Variants in LNPEP observed in about 807,000 individuals in gnomAD.
LNPEP encodes the protein leucyl-cystinyl aminopeptidase.
Under a neutral mutation model 120.6 loss-of-function variants are expected in LNPEP, and 64 were observed. The ratio of observed to expected loss-of-function variants is 0.53; its 90% CI spans 0.43 to 0.65. The LOEUF is 0.65. Ranked by LOEUF, LNPEP falls within the 30% of genes least tolerant of loss-of-function variation. LNPEP has a pLI of 0.00. For missense variants in LNPEP, 1,057 were observed against 1,200.0 expected (o/e 0.88, Z 1.76); for synonymous variants, 435 against 425.4 (o/e 1.02, Z -0.28).
intron 8 of LNPEP, among the ~76,000 whole-genome samples, chr5:96,999,831 G>A (rs1417846602): frequency 6.6e-6 from 1 of 151,582 alleles, no homozygotes; most frequent in East Asian, 1.9e-4. Flanking sequence ...ATTAAGAGAA[G>A]TGGGATACTA....
intron 3 of LNPEP, 61 bp downstream of exon 3, chr5:96,985,279 T>G: frequency 7.1e-7 from 1 of 1,398,828 alleles, no homozygotes; most frequent in Non-Finnish European, 9.8e-7. Flanking sequence ...TAAGAACACT[T>G]AAATTCCTCT....
chr5:96,938,796 G>T (rs745956093), intron 1 of LNPEP, among the ~76,000 whole-genome samples: 1 of 152,096 alleles, frequency 6.6e-6, no homozygotes, highest in Non-Finnish European at 1.5e-5. Flanking sequence ...TCTATTTTTG[G>T]CTTTGTCCTT....
In LNPEP at chr5:96,968,604, A is replaced by G. The variant is rs114207281; in HGVS notation, c.20-10534A>G. Among the ~76,000 whole-genome samples the G allele has an allele frequency of 4.0e-3, 612 of 152,234 alleles. 5 individuals are homozygous for G. Among genetic ancestry groups the G allele is most frequent in the African/African-American group, 0.014 (574 of 41,548 alleles). ...TATGGCGTACTCTTTTAGGGAGAGTAGGAAAATTGGTCAGAGTAAGACATT... is the reference window on the plus strand; with the variant it reads ...TATGGCGTACTCTTTTAGGGAGAGTGGGAAAATTGGTCAGAGTAAGACATT... On this transcript the variant is annotated intron_variant, in intron 1 of 17. Coordinates refer to ENST00000231368, the MANE Select transcript of LNPEP (RefSeq NM_005575.3).
chr5:97,002,895 C>T (rs1790688128), intron 8 of LNPEP, among the ~76,000 whole-genome samples: 1 of 152,112 alleles, frequency 6.6e-6, no homozygotes, highest in Admixed American at 6.6e-5. Context: ...TGAAGTGACT[C>T]TGCAGGAAGA....
At chr5:96,988,005 C>T (rs76846652) in intron 4 of LNPEP, among the ~76,000 whole-genome samples, 5,714 of 152,288 alleles carry the variant, frequency 0.038, 186 homozygotes, top group Middle Eastern at 0.11. Flanking sequence ...TAATCATTCC[C>T]TCTCTGATCT....
chr5:97,001,877 C>T (rs544872511), intron 8 of LNPEP, among the ~76,000 whole-genome samples: 2 of 152,250 alleles, frequency 1.3e-5, no homozygotes, highest in East Asian at 1.9e-4. Flanking sequence ...TGGTAGCTCA[C>T]GCCTGTAATC....
chr5:97,004,927 A>G (rs1439398670), intron 9 of LNPEP, among the ~76,000 whole-genome samples: 2 of 152,198 alleles, frequency 1.3e-5, no homozygotes, highest in Non-Finnish European at 2.9e-5. Flanking sequence ...CATTGACTGC[A>G]ACTTTTGCAT....
intron 1 of LNPEP, among the ~76,000 whole-genome samples, chr5:96,972,417 CCCTGCACTGCTTGA>C: frequency 6.6e-6 from 1 of 152,220 alleles, no homozygotes; most frequent in South Asian, 2.1e-4. Context: ...GCCACTACTT[CCCTGCACTGCTTGA>C]CCTCTAGTAT....
chr5:96,936,495 C>A lies in LNPEP; in HGVS notation c.19+321C>A, dbSNP rs183260325. ...TGGGAAAGTTGGCAGCTCAGGTTTG[C>A]CCCCGGAGGAGGCGGTGTCGGCCCG... On this transcript the variant is annotated intron_variant, in intron 1 of 17. Transcript: ENST00000231368. 7.3e-3 allele frequency: 2,037 copies of A among 280,702 alleles called. 49 individuals are homozygous for A. The highest frequency in any genetic ancestry group is 0.056 in the Admixed American group (1,063 of 18,916). 17.4% of individuals were successfully genotyped at this position (280,702 alleles called of 1,614,324 possible).
intron 4 of LNPEP, among the ~76,000 whole-genome samples, chr5:96,992,383 A>C (rs909359068): frequency 3.3e-5 from 5 of 152,214 alleles, no homozygotes; most frequent in African/African-American, 9.6e-5. Flanking sequence ...AACTGAAAAA[A>C]AAGTTAGCTG....
chr5:96,991,316 A>C (rs1415023179), intron 4 of LNPEP, among the ~76,000 whole-genome samples: 1 of 152,192 alleles, frequency 6.6e-6, no homozygotes, highest in Non-Finnish European at 1.5e-5. Flanking sequence ...CTCATTGATC[A>C]ATCCCAGTAG....
At chr5:96,981,854 A>G (rs1031388052) in intron 2 of LNPEP, among the ~76,000 whole-genome samples, 5 of 152,148 alleles carry the variant, frequency 3.3e-5, no homozygotes, top group Admixed American at 2.0e-4. Flanking sequence ...CTAGTAAACA[A>G]ATTCAGGATA....
intron 1 of LNPEP, among the ~76,000 whole-genome samples, chr5:96,970,185 C>G (rs1789827614): frequency 6.6e-6 from 1 of 151,900 alleles, no homozygotes; most frequent in Admixed American, 6.6e-5. Flanking sequence ...AATGTCAGGT[C>G]AAATTAGTTA....
chr5:96,971,353 G>GTGTA (rs1789858940), intron 1 of LNPEP, among the ~76,000 whole-genome samples: 1 of 149,100 alleles, frequency 6.7e-6, no homozygotes, highest in South Asian at 2.1e-4. Context: ...ATTTGTGTGT[G>GTGTA]TGTGTGTGTG....
chr5:96,998,661 CGG>C, intron 8 of LNPEP, among the ~76,000 whole-genome samples: 1 of 152,108 alleles, frequency 6.6e-6, no homozygotes, highest in Non-Finnish European at 1.5e-5. Flanking sequence ...ATAGTGATAA[CGG>C]TGTCATTCAC....
chr5:96,998,239 A>G (rs1561446792), intron 8 of LNPEP, 94 bp downstream of exon 8: 3 of 1,009,840 alleles, frequency 3.0e-6, no homozygotes, highest in Non-Finnish European at 4.3e-6. Flanking sequence ...TATTTTAAAG[A>G]TTAAATGTTT....
At chr5:96,986,962 TAGG>T (rs1384474006) in intron 4 of LNPEP, among the ~76,000 whole-genome samples, 1 of 152,178 alleles carries the variant, frequency 6.6e-6, no homozygotes, top group Non-Finnish European at 1.5e-5. Flanking sequence ...CCACTAGCCT[TAGG>T]GGGAATATTT....
chr5:96,981,197 G>C (rs1044884581), intron 2 of LNPEP, among the ~76,000 whole-genome samples: 1 of 151,930 alleles, frequency 6.6e-6, no homozygotes, highest in Non-Finnish European at 1.5e-5. Context: ...ATTTATAAAA[G>C]CTTCTCTAAT....
chr5:97,003,662 A>C (rs1203627891), intron 9 of LNPEP, 116 bp downstream of exon 9: 1 of 605,774 alleles, frequency 1.7e-6, no homozygotes, highest in African/African-American at 1.9e-5. Flanking sequence ...GTTATTTAAG[A>C]AAGGGGGGGA....
Sources: allele counts gnomAD v4.1 joint callset (sites outside exome capture counted in the v4.1 genomes callset), GRCh38; gene constraint gnomAD v4.1.1; transcripts MANE v1.5; gene names NCBI Gene and HGNC (gene_info 2026-07-23, HGNC 2026-07-21).